The following TENM4 variants were observed in gnomAD, a reference collection of about 807,000 sequenced individuals.
TENM4 encodes the protein teneurin transmembrane protein 4.
Under a neutral mutation model 243.3 loss-of-function variants are expected in TENM4, and 82 were observed. That is an observed-to-expected ratio of 0.34 (90% CI 0.28 to 0.40). The LOEUF (loss-of-function observed/expected upper bound fraction) is 0.40, where lower values mean the gene tolerates loss of function less well. TENM4 is among the 10% of genes least tolerant of loss of function. The pLI, the probability that TENM4 is intolerant of heterozygous loss-of-function variation, is 1.00. For synonymous variants in TENM4, 1,412 were observed against 1,456.3 expected (o/e 0.97, Z 0.69); for missense variants, 3,138 against 3,673.3 (o/e 0.85, Z 3.77).
At chr11:78,943,734 C>T (rs183181029) in intron 6 of TENM4, among the ~76,000 whole-genome samples, 20 of 152,230 alleles carry the variant, frequency 1.3e-4, no homozygotes, top group African/African-American at 4.6e-4. Flanking sequence ...AAAAATACAC[C>T]GTCAAGAATC....
At chr11:79,165,298 A>G (rs1862887768) in intron 3 of TENM4, among the ~76,000 whole-genome samples, 2 of 152,068 alleles carry the variant, frequency 1.3e-5, no homozygotes, top group Admixed American at 1.3e-4. Context: ...ATCCATGCCA[A>G]TATCTATTAC....
chr11:79,221,673 C>T (rs549106364), intron 2 of TENM4, among the ~76,000 whole-genome samples: 8 of 152,042 alleles, frequency 5.3e-5, no homozygotes, highest in South Asian at 2.1e-4. Context: ...AAGAGCAGCT[C>T]GTGAGCCACA....
At chr11:79,145,324 AAC>A (rs1245881770) in intron 4 of TENM4, among the ~76,000 whole-genome samples, 1 of 152,088 alleles carries the variant, frequency 6.6e-6, no homozygotes, top group African/African-American at 2.4e-5. Context: ...ACACCCATTT[AAC>A]CTGCCCTCCT....
At chr11:79,225,104 G>T (rs1301473600) in intron 2 of TENM4, among the ~76,000 whole-genome samples, 1 of 152,158 alleles carries the variant, frequency 6.6e-6, no homozygotes, top group Non-Finnish European at 1.5e-5. Context: ...CTTCAGAGGA[G>T]CACGGTCCTG....
At chr11:78,876,681 G>T (rs982703269) in intron 9 of TENM4, among the ~76,000 whole-genome samples, 1 of 148,684 alleles carries the variant, frequency 6.7e-6, no homozygotes, top group Admixed American at 6.6e-5. Flanking sequence ...TACACATCTG[G>T]CTGTCCAAGA....
At chr11:79,405,590 A>G (rs1315694314) in intron 1 of TENM4, among the ~76,000 whole-genome samples, 1 of 152,110 alleles carries the variant, frequency 6.6e-6, no homozygotes, top group African/African-American at 2.4e-5. Context: ...TGTCTTTTAC[A>G]TAGTTGAAAT....
At chr11:78,715,412 G>A (rs534734774) in intron 25 of TENM4, among the ~76,000 whole-genome samples, 6 of 152,260 alleles carry the variant, frequency 3.9e-5, no homozygotes, top group Admixed American at 3.3e-4. Flanking sequence ...GGTATGGTGA[G>A]GGGGCCCTGT....
intron 7 of TENM4, among the ~76,000 whole-genome samples, chr11:78,901,061 C>A (rs747500619): frequency 9.2e-5 from 14 of 152,066 alleles, no homozygotes; most frequent in Admixed American, 9.2e-4. Context: ...AGAAGGTGAG[C>A]GACTCTGGCA....
At position 79,179,294 on chromosome 11, in the gene TENM4, C is replaced by T. The variant is rs193213721; in HGVS notation, c.-162-30488G>A. ...AGGTCAGAAGTCTGCAAACTGCAAA[C>T]GATGGCCCAGCACATGTTTTTTAAA... On this transcript the variant is annotated intron_variant, in intron 3 of 33. Coordinates refer to ENST00000278550, the MANE Select transcript of TENM4 (RefSeq NM_001098816.3). Among the ~76,000 whole-genome samples, 535 of 152,282 alleles carry T rather than the reference C, an allele frequency of 3.5e-3. 8 individuals carry two copies. The South Asian group carries it at 0.039, about 11-fold the overall frequency.
intron 4 of TENM4, chr11:79,096,929 CACACACACA>C: frequency 1.8e-5 from 1 of 55,512 alleles, no homozygotes; most frequent in African/African-American, 9.9e-5. Flanking sequence ...CGCGCGCGCG[CACACACACA>C]CACACACACA....
At chr11:79,323,002 T>A (rs1856916609) in intron 1 of TENM4, among the ~76,000 whole-genome samples, 1 of 152,204 alleles carries the variant, frequency 6.6e-6, no homozygotes, top group South Asian at 2.1e-4. Flanking sequence ...TGGTGCTGGA[T>A]TCTCAAATGG....
chr11:78,876,090 A>C (rs1401034253), intron 9 of TENM4, among the ~76,000 whole-genome samples: 6 of 152,358 alleles, frequency 3.9e-5, no homozygotes, highest in Non-Finnish European at 7.3e-5. Flanking sequence ...ACTACTTACC[A>C]GCCATTCCAG....
intron 32 of TENM4, among the ~76,000 whole-genome samples, chr11:78,665,203 T>C (rs1423010244): frequency 6.6e-6 from 1 of 151,880 alleles, no homozygotes; most frequent in Non-Finnish European, 1.5e-5. Context: ...CTCTTTCTTT[T>C]CCTTTTTATT....
chr11:79,131,059 C>T (rs1861993764), intron 4 of TENM4, among the ~76,000 whole-genome samples: 1 of 151,988 alleles, frequency 6.6e-6, no homozygotes, highest in Admixed American at 6.6e-5. Flanking sequence ...TAAGAATAAT[C>T]AGCGTTCCTG....
chr11:78,836,904 CA>C (rs1328015828), intron 12 of TENM4, among the ~76,000 whole-genome samples: 1 of 152,182 alleles, frequency 6.6e-6, no homozygotes, highest in Non-Finnish European at 1.5e-5. Context: ...ACAGAGCTGA[CA>C]AAACATACAC....
rs148736053 is a variant in TENM4 at position 79,361,774 on chromosome 11, A to G, written c.-320-64231T>C. Reference sequence around the variant, plus strand: ...AAAATAAATATCGCAACAGAAAAAAAAAATACAGAGACTATGTATCTGTGG... The same window carrying G: ...AAAATAAATATCGCAACAGAAAAAAGAAATACAGAGACTATGTATCTGTGG... On this transcript the variant is annotated intron_variant, in intron 1 of 33. Transcript: ENST00000278550. 4.9e-3 allele frequency among the ~76,000 whole-genome samples: 740 copies of G among 152,344 alleles called. 4 individuals are homozygous for G. Among genetic ancestry groups the G allele is most frequent in the Non-Finnish European group, 7.7e-3 (521 of 68,020 alleles).
chr11:78,874,882 A>G (rs1171023707), intron 9 of TENM4, among the ~76,000 whole-genome samples: 1 of 152,220 alleles, frequency 6.6e-6, no homozygotes, highest in Non-Finnish European at 1.5e-5. Context: ...AACAAAATCT[A>G]ACTCTAGGCT....
rs1422826148 is a variant in TENM4 at position 78,757,029 on chromosome 11, A to T, written c.2540-8T>A. 1.2e-6 allele frequency: 2 copies of T among 1,612,912 alleles called. No homozygotes were observed. The highest frequency in any genetic ancestry group is 1.7e-6 in the Non-Finnish European group (2 of 1,179,398). On this transcript the variant is annotated splice_polypyrimidine_tract_variant and splice_region_variant and intron_variant, in intron 18 of 33. Transcript: ENST00000278550. ...TGCAGTCCACCAGGCCATCTGCAGG[A>T]GTGACAGAGCATGTGGTTTATATTG... is the stretch of plus-strand genomic sequence containing the variant.
At chr11:78,938,399 C>T (rs1856829338) in intron 6 of TENM4, among the ~76,000 whole-genome samples, 1 of 152,196 alleles carries the variant, frequency 6.6e-6, no homozygotes, top group African/African-American at 2.4e-5. Flanking sequence ...TCATTTACCA[C>T]TCAGAGCATC....
Sources: allele counts gnomAD v4.1 joint callset (sites outside exome capture counted in the v4.1 genomes callset), GRCh38; gene constraint gnomAD v4.1.1; transcripts MANE v1.5; gene names NCBI Gene and HGNC (gene_info 2026-07-23, HGNC 2026-07-21).